CHM: variants seen among roughly 807,000 people sequenced by gnomAD.
CHM encodes rab proteins geranylgeranyltransferase component A 1.
Under a neutral mutation model 49.0 loss-of-function variants are expected in CHM, and 10 were observed. That is an observed-to-expected ratio of 0.20 (90% CI 0.13 to 0.35). The LOEUF (loss-of-function observed/expected upper bound fraction) is 0.35. Ranked by LOEUF, CHM falls within the 10% of genes least tolerant of loss-of-function variation. The probability of loss-of-function intolerance (pLI) is 1.00; values close to 1 mark genes in which losing one functional copy is unlikely to be tolerated. For missense variants in CHM, 455 were observed against 478.4 expected, an observed-to-expected ratio of 0.95 and a Z score of 0.46; for synonymous variants, 184 against 167.5, an observed-to-expected ratio of 1.10 and a Z score of -0.76.
In CHM at chrX:85,964,058, A is replaced by G. The variant is rs377234801; in HGVS notation, c.315-6T>C. On this transcript the variant is annotated splice_polypyrimidine_tract_variant and splice_region_variant and intron_variant, in intron 4 of 14. Coordinates refer to ENST00000357749, the MANE Select transcript of CHM (RefSeq NM_000390.4). ...CATCTTCATGCAAATCCTGACTAAT[A>G]AGAAATATAATAATAAACACCAGGC... 1.8e-5 allele frequency: 22 copies of G among 1,196,846 alleles called. No homozygotes were observed. In the African/African-American group the frequency reaches 3.3e-4, roughly 18 times the overall value.
intron 8 of CHM, among the ~76,000 whole-genome samples, chrX:85,913,479 G>A (rs1202230655): frequency 9.1e-6 from 1 of 109,508 alleles, no homozygotes; most frequent in Non-Finnish European, 1.9e-5. Context: ...GTGAAGACAG[G>A]AGTAGACGTC....
At chrX:86,006,819 A>G (rs1232744841) in intron 2 of CHM, among the ~76,000 whole-genome samples, 1 of 112,028 alleles carries the variant, frequency 8.9e-6, no homozygotes, top group Non-Finnish European at 1.9e-5. Context: ...AATATCATAA[A>G]AATGGCCATA....
Position 85,920,338 on chromosome X carries a change from C to T in CHM, c.1167-9000G>A, listed in dbSNP as rs779831702. Among the ~76,000 whole-genome samples the T allele has an allele frequency of 3.1e-4, 34 of 111,047 alleles. 1 individual carries two copies. The highest frequency in any genetic ancestry group is 4.7e-3 in the Middle Eastern group (1 of 215). ...GTCTCGATCTCCTGTCCTTGTGATC[C>T]GCCCGCCTCAGCTTCCCAAAGTGCT... On this transcript the variant is annotated intron_variant, in intron 8 of 14. Coordinates refer to ENST00000357749, the MANE Select transcript of CHM (RefSeq NM_000390.4).
intron 4 of CHM, among the ~76,000 whole-genome samples, chrX:85,964,918 T>C (rs62608920): frequency 0.17 from 19,098 of 112,200 alleles, 1,540 homozygotes; most frequent in Middle Eastern, 0.25. Context: ...CACTGCTCAA[T>C]ACCTGGCAGA....
rs957341157 is a variant in CHM, at chrX:85,863,589, A to G, written c.*1041T>C. On this transcript the variant is annotated 3_prime_UTR_variant, in exon 15 of 15. Transcript: ENST00000357749. ...TACTTTAAAAAAGAAATTTTCATTTAAAAAGCTTAATGCAATAAAAACACT... is the reference window on the plus strand; with the variant it reads ...TACTTTAAAAAAGAAATTTTCATTTGAAAAGCTTAATGCAATAAAAACACT... The G allele has an allele frequency of 3.6e-5, 4 of 112,499 alleles. No individual in the cohort carries two copies. Among genetic ancestry groups the G allele is most frequent in the African/African-American group, 1.3e-4 (4 of 30,952 alleles). 9.3% of individuals were successfully genotyped at this position (112,499 alleles called of 1,213,427 possible).
Position 85,873,104 on chromosome X carries a change from T to C in CHM, c.1718A>G (p.Tyr573Cys). The C allele has an allele frequency of 8.3e-7, 1 of 1,207,829 alleles. No individual in the cohort carries two copies. The part of the protein sequence containing the change: ...SCYNDLPSNV[Y>C]VCSGPDCGLG... The stretch of plus-strand genomic sequence containing the variant: ...ACCACAATCTGGGCCAGAGCAGACA[T>C]AAACGTTGGATGGTAAATCATTATA... The change falls in exon 14 of 15, where the codon TAT becomes TGT. Residue 573 changes from tyrosine to cysteine, a missense_variant. By Grantham distance (194) the Tyr-to-Cys change is radical. Coordinates refer to ENST00000357749, the MANE Select transcript of CHM (RefSeq NM_000390.4).
intron 2 of CHM, among the ~76,000 whole-genome samples, chrX:86,021,107 T>TACAC (rs1569254902): frequency 7.9e-4 from 60 of 76,271 alleles, no homozygotes; most frequent in Non-Finnish European, 1.3e-3. Context: ...TATATATACG[T>TACAC]ATATATATGT....
chrX:85,945,277 T>C (rs1028267685), intron 8 of CHM, among the ~76,000 whole-genome samples: 3 of 109,478 alleles, frequency 2.7e-5, no homozygotes, highest in African/African-American at 1.0e-4. Flanking sequence ...TCAAGTTGAA[T>C]TGTAATCCCC....
At chrX:85,927,545 A>G (rs186950016) in intron 8 of CHM, among the ~76,000 whole-genome samples, 1 of 112,555 alleles carries the variant, frequency 8.9e-6, no homozygotes, top group African/African-American at 3.2e-5. Context: ...AACTCGAGAA[A>G]CATTCACTAA....
chrX:86,028,116 A>T (rs1933910857), intron 1 of CHM, among the ~76,000 whole-genome samples: 1 of 112,314 alleles, frequency 8.9e-6, no homozygotes, highest in African/African-American at 3.2e-5. Flanking sequence ...AATAATTTTT[A>T]AAAGTACTTA....
At chrX:85,892,136 T>A (rs759926962) in intron 12 of CHM, among the ~76,000 whole-genome samples, 2 of 111,804 alleles carry the variant, frequency 1.8e-5, no homozygotes, top group East Asian at 5.7e-4. Flanking sequence ...TTGCTTTTGA[T>A]TTTACAGGCT....
intron 4 of CHM, among the ~76,000 whole-genome samples, chrX:85,972,759 G>A (rs1402855662): frequency 8.9e-6 from 1 of 112,132 alleles, no homozygotes; most frequent in Non-Finnish European, 1.9e-5. Flanking sequence ...CTCCCTGCAA[G>A]CTGAGGGAGC....
chrX:85,906,103 G>A (rs185280474), intron 9 of CHM, among the ~76,000 whole-genome samples: 29 of 111,863 alleles, frequency 2.6e-4, no homozygotes, highest in Admixed American at 8.5e-4. Flanking sequence ...GCATGGATGG[G>A]TGAATGGATG....
chrX:85,982,690 C>T (rs1218283514), intron 2 of CHM, among the ~76,000 whole-genome samples: 2 of 111,810 alleles, frequency 1.8e-5, no homozygotes. Context: ...ACACTTGATC[C>T]CACCTACAAC....
intron 11 of CHM, among the ~76,000 whole-genome samples, chrX:85,897,306 CGTGTGTGTGT>C (rs533191230): frequency 1.7e-3 from 130 of 76,506 alleles, no homozygotes; most frequent in Non-Finnish European, 2.2e-3. Flanking sequence ...CTTGTGTGTG[CGTGTGTGTGT>C]GTGTGTGTGT....
At chrX:86,000,366 T>C (rs1932645448) in intron 2 of CHM, among the ~76,000 whole-genome samples, 1 of 108,833 alleles carries the variant, frequency 9.2e-6, no homozygotes, top group African/African-American at 3.3e-5. Context: ...TAAGTCAAAC[T>C]GACTTTGTGA....
Position 86,016,353 on chromosome X carries a change from G to A in CHM, c.116+11138C>T, listed in dbSNP as rs139081336. Among the ~76,000 whole-genome samples the A allele has an allele frequency of 4.2e-3, 472 of 111,887 alleles. 3 individuals are homozygous for A. The highest frequency in any genetic ancestry group is 0.015 in the African/African-American group (457 of 30,795). ...AATGGGGAAAATGTCTCCAGGGCAT[G>A]TAGGAAGTCTTCACAGCAGCCCCAC... On this transcript the variant is annotated intron_variant, in intron 2 of 14. Transcript: ENST00000357749.
intron 14 of CHM, among the ~76,000 whole-genome samples, chrX:85,865,674 G>T (rs1923647161): frequency 8.9e-6 from 1 of 111,777 alleles, no homozygotes; most frequent in Non-Finnish European, 1.9e-5. Context: ...GAATGGTTTT[G>T]GCCAAAATGC....
At chrX:85,938,211 A>G (rs1415148375) in intron 8 of CHM, among the ~76,000 whole-genome samples, 1 of 110,555 alleles carries the variant, frequency 9.0e-6, no homozygotes, top group East Asian at 2.8e-4. Context: ...TTATCTCACC[A>G]CCCCCTTCTG....
Sources: allele counts gnomAD v4.1 joint callset (sites outside exome capture counted in the v4.1 genomes callset), GRCh38; gene constraint gnomAD v4.1.1; transcripts MANE v1.5; gene names NCBI Gene and HGNC (gene_info 2026-07-23, HGNC 2026-07-21).